Variants in TDRKH observed in about 807,000 individuals in gnomAD.
TDRKH encodes the protein tudor and KH domain-containing protein.
In TDRKH, 28 loss-of-function variants were observed where a neutral mutation model predicts 61.3. The observed-to-expected ratio is 0.46, with a 90% CI of 0.34 to 0.63. The LOEUF is 0.63. TDRKH is among the 20% of genes least tolerant of loss of function. The probability of loss-of-function intolerance (pLI) is 0.01; values close to 1 mark genes in which losing one functional copy is unlikely to be tolerated. For missense variants in TDRKH, 540 were observed against 683.4 expected, an observed-to-expected ratio of 0.79 and a Z score of 2.34; for synonymous variants, 219 against 244.4, an observed-to-expected ratio of 0.90 and a Z score of 0.97.
downstream of TDRKH, chr1:151,766,817 C>T (rs755800995): frequency 3.0e-5 from 48 of 1,608,150 alleles, no homozygotes; most frequent in South Asian, 6.7e-5. Context: ...GGTCACCATA[C>T]GCCTATTACC....
chr1:151,771,678 C>T (rs1553279009), downstream of TDRKH: 4 of 375,806 alleles, frequency 1.1e-5, no homozygotes, highest in Non-Finnish European at 1.4e-5. Context: ...TCTCAACGGA[C>T]AGAATAGGTA....
downstream of TDRKH, chr1:151,768,324 C>A: frequency 1.3e-6 from 2 of 1,506,644 alleles, no homozygotes; most frequent in South Asian, 1.3e-5. Flanking sequence ...AATTCTGGAG[C>A]TAGATATAAG....
At chr1:151,772,734 A>G (rs1034652269), downstream of TDRKH, among the ~76,000 whole-genome samples, 4 of 151,822 alleles carry the variant, frequency 2.6e-5, no homozygotes, top group Non-Finnish European at 4.4e-5. Context: ...GTGGAGATCT[A>G]CTCCTTAAAG....
intron 11 of TDRKH, 63 bp from the exon 12 acceptor site, chr1:151,774,869 C>T (rs750690903): frequency 1.3e-6 from 2 of 1,563,848 alleles, no homozygotes; most frequent in African/African-American, 2.7e-5. Flanking sequence ...AAGAGGCCAC[C>T]CTTTCATTCT....
In TDRKH at chr1:151,776,453, A is replaced by G; in HGVS notation, c.1030T>C (p.Tyr344His). The change falls in exon 7 of 13, where the codon TAT becomes CAT. Residue 344 changes from tyrosine (Y) to histidine (H), a missense_variant. Physicochemically the swap from Tyr to His is moderately conservative, Grantham distance 83 (BLOSUM62 2). Around this residue, in one of 3 missense-constraint regions of TDRKH, gnomAD observed 379 missense variants for 443.8 expected, o/e 0.85. Coordinates refer to ENST00000368824, the MANE Select transcript of TDRKH (RefSeq NM_001083965.2). ...TGGCAACTCACCACACTATTCTCAT[A>G]GTGCTGGGTCATCTCATTGACAAGC... ...DKLVNEMTQH[Y>H]ENSVPEDLTV... 1 of 1,614,234 alleles carries G rather than the reference A, an allele frequency of 6.2e-7. No homozygotes were observed. The highest frequency in any genetic ancestry group is 1.1e-5 in the South Asian group (1 of 91,088).
downstream of TDRKH, chr1:151,767,229 C>A: frequency 1.2e-6 from 2 of 1,614,042 alleles, no homozygotes; most frequent in Non-Finnish European, 1.7e-6. Flanking sequence ...GCTCCTGAGT[C>A]CCTAGTAGGC....
rs768805114 is a variant in TDRKH, at chr1:151,779,957, T to G, written c.415A>C (p.Ile139Leu). The G allele has an allele frequency of 1.9e-6, 3 of 1,611,372 alleles. No individual in the cohort carries two copies. The highest frequency in any genetic ancestry group is 2.5e-6 in the Non-Finnish European group (3 of 1,177,764). Reference sequence around the variant, plus strand: ...GGAAGCCATCCAGTGGTACCTATGATTCTGCCCACAGATCTCTGGGGAACT... The same window carrying G: ...GGAAGCCATCCAGTGGTACCTATGAGTCTGCCCACAGATCTCTGGGGAACT... ...LSVPQRSVGRIIGRGGETIRS... is the reference protein window; with the variant it reads ...LSVPQRSVGRLIGRGGETIRS... The change falls in exon 4 of 13, where the codon ATC becomes CTC. Residue 139 changes from isoleucine to leucine, a missense_variant. By Grantham distance (5) the Ile-to-Leu change is conservative. This residue lies in a region of TDRKH where 156 missense variants were observed against 218.0 expected (regional missense o/e 0.72). Coordinates refer to ENST00000368824, the MANE Select transcript of TDRKH (RefSeq NM_001083965.2).
At chr1:151,767,214 C>T, downstream of TDRKH, 4 of 1,614,036 alleles carry the variant, frequency 2.5e-6, no homozygotes, top group Non-Finnish European at 3.4e-6. Flanking sequence ...GTTCCTGCCT[C>T]CAGTGCTCCT....
downstream of TDRKH, among the ~76,000 whole-genome samples, chr1:151,772,312 G>A (rs1370307948): frequency 6.6e-6 from 1 of 151,948 alleles, no homozygotes; most frequent in Non-Finnish European, 1.5e-5. Flanking sequence ...GGCTGGTCTC[G>A]AACTCCTGAG....
At chr1:151,768,971 G>A (rs529425399), downstream of TDRKH, among the ~76,000 whole-genome samples, 25 of 152,288 alleles carry the variant, frequency 1.6e-4, no homozygotes, top group Middle Eastern at 6.8e-3. Flanking sequence ...CAGAGAGCAT[G>A]GGGTTGGGGG....
chr1:151,767,830 AACAGGC>A, downstream of TDRKH: 2 of 564,942 alleles, frequency 3.5e-6, no homozygotes, highest in Non-Finnish European at 6.1e-6. Flanking sequence ...GGTTGAAGTC[AACAGGC>A]AGTAATACTG....
Position 151,781,607 on chromosome 1 carries a change from T to C in TDRKH, c.125-20A>G. 1.2e-6 allele frequency: 2 copies of C among 1,609,690 alleles called. No homozygotes were observed. Among genetic ancestry groups the C allele is most frequent in the South Asian group, 1.1e-5 (1 of 90,820 alleles). On this transcript the variant is annotated intron_variant, in intron 2 of 12. Transcript: ENST00000368824. ...GCTCTTCTGCACAGATCATTGTTCA[T>C]CAGATCAGACTTAGATAACACCCAA... is the stretch of plus-strand genomic sequence containing the variant.
At chr1:151,780,361 C>A (rs1246289433) in intron 3 of TDRKH, among the ~76,000 whole-genome samples, 1 of 152,124 alleles carries the variant, frequency 6.6e-6, no homozygotes, top group Non-Finnish European at 1.5e-5. Context: ...CAAATGTAAC[C>A]CCAAATAGCA....
At chr1:151,767,144 G>T, downstream of TDRKH, 1 of 1,613,290 alleles carries the variant, frequency 6.2e-7, no homozygotes. Context: ...AAACTAATTT[G>T]GGTCTCTTTC....
intron 7 of TDRKH, 70 bp from the exon 8 acceptor site, chr1:151,776,338 GAAGA>G (rs1649176904): frequency 1.9e-6 from 3 of 1,593,876 alleles, no homozygotes; most frequent in African/African-American, 2.7e-5. Flanking sequence ...ATTGCAGGAG[GAAGA>G]AAGAAAAGTA....
downstream of TDRKH, chr1:151,766,929 T>C (rs779288240): frequency 1.3e-6 from 2 of 1,527,412 alleles, no homozygotes; most frequent in Non-Finnish European, 9.0e-7. Flanking sequence ...TTATATAAAA[T>C]GTAAGGAAAA....
rs1253613748 is a variant in TDRKH, at chr1:151,777,705, T to TA, written c.883+979dup. Among the ~76,000 whole-genome samples, 6 of 148,546 alleles carry TA rather than the reference T, an allele frequency of 4.0e-5. No individual in the cohort carries two copies. The South Asian group carries it at 1.1e-3, about 27-fold the overall frequency. On this transcript the variant is annotated intron_variant, in intron 6 of 12. Coordinates refer to ENST00000368824, the MANE Select transcript of TDRKH (RefSeq NM_001083965.2). ...GGTAATCTAAGCCAGTATTTCTTTT[T>TA]AAAAAAATAGTTAATTTTTTTTTTT... is the stretch of plus-strand genomic sequence containing the variant.
Position 151,781,504 on chromosome 1 carries a change from G to T in TDRKH, c.208C>A (p.Arg70=). 6.2e-7 allele frequency: 1 copy of T among 1,613,228 alleles called. No individual in the cohort carries two copies. Among genetic ancestry groups the T allele is most frequent in the Non-Finnish European group, 8.5e-7 (1 of 1,179,774 alleles). Residue 70 remains arginine, a synonymous_variant, in exon 3 of 13, where the codon CGG becomes AGG. Coordinates refer to ENST00000368824, the MANE Select transcript of TDRKH (RefSeq NM_001083965.2). ...ACCTGTTTAATATTGGCTCCTTGCC[G>T]GCCAATGATGAGTTTCACAGCCTCC... ...PQEAVKLIIG[R]QGANIKQLRK...
intron 3 of TDRKH, among the ~76,000 whole-genome samples, chr1:151,780,950 G>A (rs187437617): frequency 6.6e-6 from 1 of 152,010 alleles, no homozygotes; most frequent in Admixed American, 6.6e-5. Flanking sequence ...CTAGGGAGAA[G>A]TACTCTTCTC....
Sources: gnomAD v4.1 joint callset for allele counts (sites outside exome capture counted in the v4.1 genomes callset) on GRCh38, gnomAD v4.1.1 for gene constraint, gnomAD v4.1.1 regional missense constraint, MANE v1.5 for transcripts, NCBI Gene and HGNC (gene_info 2026-07-23, HGNC 2026-07-21) for gene names.